CEP63: variants seen among roughly 807,000 people sequenced by gnomAD.
CEP63 encodes centrosomal protein 63, also known as centrosomal protein of 63 kDa.
In CEP63, 84 loss-of-function variants were observed where a neutral mutation model predicts 89.1. The observed-to-expected ratio is 0.94, with a 90% CI of 0.79 to 1.13. The LOEUF (loss-of-function observed/expected upper bound fraction) is 1.13. Ranked by LOEUF, CEP63 falls within the 50% of genes most tolerant of loss-of-function variation. The pLI, the probability that CEP63 is intolerant of heterozygous loss-of-function variation, is 0.00. For synonymous variants in CEP63, 267 were observed against 272.5 expected, an observed-to-expected ratio of 0.98 and a Z score of 0.20; for missense variants, 838 against 813.3, an observed-to-expected ratio of 1.03 and a Z score of -0.37.
chr3:134,666,198 T>C, the CEP63 span, among the ~76,000 whole-genome samples: 1 of 152,046 alleles, frequency 6.6e-6, no homozygotes, highest in South Asian at 2.1e-4. Context: ...CCTTCCAGCC[T>C]CAGCACGTTC....
At chr3:134,509,341 G>A (rs1205970366) in intron 3 of CEP63, among the ~76,000 whole-genome samples, 1 of 152,124 alleles carries the variant, frequency 6.6e-6, no homozygotes, top group East Asian at 1.9e-4. Context: ...TCACTACAAC[G>A]AGAACAGCAC....
At chr3:134,609,438 C>T in the CEP63 span, among the ~76,000 whole-genome samples, 1 of 152,034 alleles carries the variant, frequency 6.6e-6, no homozygotes, top group African/African-American at 2.4e-5. Flanking sequence ...GCGAGCCCTG[C>T]GTGTAGGATG....
chr3:134,668,710 A>G, the CEP63 span, among the ~76,000 whole-genome samples: 1 of 152,280 alleles, frequency 6.6e-6, no homozygotes, highest in Middle Eastern at 3.4e-3. Flanking sequence ...ACTGAACTCT[A>G]TGGTTCTTCA....
chr3:134,528,865 G>T (rs1949284805), intron 3 of CEP63, among the ~76,000 whole-genome samples: 1 of 152,128 alleles, frequency 6.6e-6, no homozygotes, highest in Non-Finnish European at 1.5e-5. Context: ...GAATAGTTAA[G>T]ACTCTTCAAC....
At chr3:134,739,456 T>G in the CEP63 span, among the ~76,000 whole-genome samples, 8 of 152,090 alleles carry the variant, frequency 5.3e-5, no homozygotes, top group Admixed American at 2.6e-4. Context: ...TACCGGGAGA[T>G]TAGAAATGTT....
the CEP63 span, among the ~76,000 whole-genome samples, chr3:134,679,165 T>G: frequency 6.6e-6 from 1 of 152,238 alleles, no homozygotes; most frequent in East Asian, 1.9e-4. Flanking sequence ...GATATAATTA[T>G]AGTTTATATA....
In CEP63 at chr3:134,562,092, A is replaced by G. The variant is rs770524579; in HGVS notation, c.*557A>G. 3.8e-5 allele frequency: 38 copies of G among 993,266 alleles called. No individual in the cohort carries two copies. Among genetic ancestry groups the G allele is most frequent in the Non-Finnish European group, 4.4e-5 (37 of 834,866 alleles). 61.5% of individuals were successfully genotyped at this position (993,266 alleles called of 1,614,324 possible). On this transcript the variant is annotated 3_prime_UTR_variant, in exon 15 of 15. Transcript: ENST00000675561. ...GGGGGTGTGCTAAAGAACCTTATCA[A>G]GCAGTCCTCTCTTGCTCAACACTCA...
At chr3:134,698,745 G>A in the CEP63 span, among the ~76,000 whole-genome samples, 2 of 152,154 alleles carry the variant, frequency 1.3e-5, no homozygotes, top group Non-Finnish European at 2.9e-5. Context: ...TCCTTTCTCA[G>A]GCTACCTCCA....
chr3:134,688,579 A>G, the CEP63 span, among the ~76,000 whole-genome samples: 4 of 152,236 alleles, frequency 2.6e-5, no homozygotes, highest in Non-Finnish European at 5.9e-5. Context: ...TGCAGTGGCG[A>G]GTCAGAGTAG....
chr3:134,493,779 T>C (rs954240958), intron 1 of CEP63, among the ~76,000 whole-genome samples: 2 of 152,216 alleles, frequency 1.3e-5, no homozygotes, highest in Non-Finnish European at 2.9e-5. Flanking sequence ...GCCATATCTT[T>C]CATCACTATA....
At chr3:134,740,136 C>T in the CEP63 span, among the ~76,000 whole-genome samples, 5 of 152,266 alleles carry the variant, frequency 3.3e-5, no homozygotes, top group South Asian at 1.0e-3. Flanking sequence ...TTTAACATTC[C>T]TGCCTTCCAG....
intron 1 of CEP63, among the ~76,000 whole-genome samples, chr3:134,489,880 C>T (rs1486320726): frequency 6.6e-6 from 1 of 152,120 alleles, no homozygotes; most frequent in Non-Finnish European, 1.5e-5. Context: ...TAAACTGTTT[C>T]AACATATGGC....
At chr3:134,565,296 A>G (rs1460007574), downstream of CEP63, among the ~76,000 whole-genome samples, 1 of 152,180 alleles carries the variant, frequency 6.6e-6, no homozygotes, top group Non-Finnish European at 1.5e-5. Flanking sequence ...GATCTCAACA[A>G]GTGTAGAAAA....
chr3:134,567,023 A>G (rs1957795563), downstream of CEP63, among the ~76,000 whole-genome samples: 1 of 152,230 alleles, frequency 6.6e-6, no homozygotes, highest in African/African-American at 2.4e-5. Context: ...CTAAATATCC[A>G]TCATTGATGA....
the CEP63 span, chr3:134,608,311 T>G: frequency 1.6e-6 from 2 of 1,239,244 alleles, no homozygotes. Context: ...AGCTAGGAAG[T>G]GCCCAGCCCT....
At chr3:134,557,376 G>GTTTTTTT (rs199930556) in intron 12 of CEP63, among the ~76,000 whole-genome samples, 22 of 101,498 alleles carry the variant, frequency 2.2e-4, no homozygotes, top group South Asian at 6.3e-4. Context: ...TTCATAATTT[G>GTTTTTTT]TTTTTTTTTT....
At position 134,531,829 on chromosome 3, in the gene CEP63, A is replaced by G; in HGVS notation, c.223-16A>G. On this transcript the variant is annotated splice_polypyrimidine_tract_variant and intron_variant, in intron 3 of 14. Coordinates refer to ENST00000675561, the MANE Select transcript of CEP63 (RefSeq NM_001353108.3). Reference sequence around the variant, plus strand: ...AATGCTAATAGTGAAAAATACTACCACCTTTCTGCTTTTAGGTTGGAATGT... The same window carrying G: ...AATGCTAATAGTGAAAAATACTACCGCCTTTCTGCTTTTAGGTTGGAATGT... 1 of 1,580,594 alleles carries G rather than the reference A, an allele frequency of 6.3e-7. No individual in the cohort carries two copies. The highest frequency in any genetic ancestry group is 1.1e-5 in the South Asian group (1 of 90,366).
rs1048485135 is a variant in CEP63, at chr3:134,522,969, G to C, written c.223-8876G>C. On this transcript the variant is annotated intron_variant, in intron 3 of 14. Transcript: ENST00000675561. Reference sequence around the variant, plus strand: ...ATATTTCTGTTTTTATATCTTTAAGGGATCACCATCATCTTCCATAGTGGT... The same window carrying C: ...ATATTTCTGTTTTTATATCTTTAAGCGATCACCATCATCTTCCATAGTGGT... 2.6e-5 allele frequency among the ~76,000 whole-genome samples: 4 copies of C among 152,130 alleles called. No individual in the cohort carries two copies. The South Asian group carries it at 8.3e-4, about 32-fold the overall frequency.
chr3:134,609,880 A>G, the CEP63 span, among the ~76,000 whole-genome samples: 1 of 152,214 alleles, frequency 6.6e-6, no homozygotes, highest in South Asian at 2.1e-4. Flanking sequence ...GCCAACAACT[A>G]AAGAAGGCTA....
Sources: gnomAD v4.1 joint callset for allele counts (sites outside exome capture counted in the v4.1 genomes callset) on GRCh38, gnomAD v4.1.1 for gene constraint, MANE v1.5 for transcripts, NCBI Gene and HGNC (gene_info 2026-07-23, HGNC 2026-07-21) for gene names.